Variants in HMOX2 observed in about 807,000 individuals in gnomAD.
The protein encoded by HMOX2 is heme oxygenase (decycling) 2.
HMOX2 carries 30 observed loss-of-function variants against 33.7 expected under a neutral mutation model. The ratio of observed to expected loss-of-function variants is 0.89; its 90% CI spans 0.67 to 1.21. The LOEUF is 1.21. Among genes scored for constraint, HMOX2 ranks in the 50% most tolerant of loss-of-function variants. The pLI is 0.00. For missense variants in HMOX2, 403 were observed against 399.1 expected, an observed-to-expected ratio of 1.01 and a Z score of -0.08; for synonymous variants, 155 against 155.0, an observed-to-expected ratio of 1.00 and a Z score of 0.00.
At chr16:4,509,160 C>T (rs1333655574) in intron 4 of HMOX2, among the ~76,000 whole-genome samples, 1 of 152,156 alleles carries the variant, frequency 6.6e-6, no homozygotes, top group African/African-American at 2.4e-5. Context: ...GAAGACCAGC[C>T]TGGGCAACCA....
At position 4,508,047 on chromosome 16, in the gene HMOX2, C is replaced by T. The variant is rs1470326350; in HGVS notation, c.539C>T (p.Thr180Ile). The T allele has an allele frequency of 3.1e-6, 5 of 1,613,960 alleles. No homozygotes were observed. In the African/African-American group the frequency reaches 5.3e-5, roughly 17 times the overall value. ...VAQRALKLPS[T>I]GEGTQFYLFE... ...CAGCGAGCACTGAAACTCCCCAGCA[C>T]AGGGGAAGGGACCCAGTTCTACCTG... is the stretch of plus-strand genomic sequence containing the variant. The change falls in exon 4 of 6, where the codon ACA becomes ATA. Residue 180 changes from threonine (T) to isoleucine (I), a missense_variant. By Grantham distance (89) the Thr-to-Ile change is moderately conservative. Transcript: ENST00000570646.
intron 5 of HMOX2, 24 bp from the exon 6 acceptor site, chr16:4,509,605 T>C (rs371974775): frequency 6.2e-7 from 1 of 1,613,432 alleles, no homozygotes; most frequent in Non-Finnish European, 8.5e-7. Context: ...TGATGCCATG[T>C]CTCCTATTGG....
At position 4,506,986 on chromosome 16, in the gene HMOX2, G is replaced by A; in HGVS notation, c.178G>A (p.Gly60Ser). The change falls in exon 3 of 6, where the codon GGC becomes AGC. Residue 60 changes from glycine (G) to serine (S), a missense_variant. By Grantham distance (56) the Gly-to-Ser change is moderately conservative. Coordinates refer to ENST00000570646, the MANE Select transcript of HMOX2 (RefSeq NM_002134.4). ...NTQFVKDFLK[G>S]NIKKELFKLA... is the part of the protein sequence containing the mutation. ...CCAGTTTGTCAAGGACTTCTTGAAAGGCAACATTAAGAAGGAGCTGTTTAA... is the reference window on the plus strand; with the variant it reads ...CCAGTTTGTCAAGGACTTCTTGAAAAGCAACATTAAGAAGGAGCTGTTTAA... 1.9e-6 allele frequency: 3 copies of A among 1,612,076 alleles called. No homozygotes were observed. The highest frequency in any genetic ancestry group is 2.2e-5 in the East Asian group (1 of 44,866).
At chr16:4,490,078 C>A (rs901570103) in intron 1 of HMOX2, among the ~76,000 whole-genome samples, 1 of 152,142 alleles carries the variant, frequency 6.6e-6, no homozygotes, top group African/African-American at 2.4e-5. Context: ...GACCTGTAAT[C>A]TGGAAAACAA....
upstream of HMOX2, chr16:4,474,784 G>C (rs186060959): frequency 6.6e-6 from 1 of 152,482 alleles, no homozygotes; most frequent in East Asian, 1.9e-4. Flanking sequence ...CGGATGCTAC[G>C]GGTGATGACT....
chr16:4,483,507 G>C (rs1273433186), intron 1 of HMOX2: 2 of 152,120 alleles, frequency 1.3e-5, no homozygotes, highest in African/African-American at 4.8e-5. Context: ...TGAGGTTAAA[G>C]ACCAATATCA....
At chr16:4,478,893 G>A (rs751531169) in intron 1 of HMOX2, among the ~76,000 whole-genome samples, 4 of 152,098 alleles carry the variant, frequency 2.6e-5, no homozygotes, top group Admixed American at 1.3e-4. Flanking sequence ...GGTGGCTCAC[G>A]CCTGTAATCC....
chr16:4,506,794 G>C (rs2058703782), intron 2 of HMOX2, 101 bp from the exon 3 acceptor site: 2 of 799,470 alleles, frequency 2.5e-6, no homozygotes, highest in Non-Finnish European at 4.4e-6. Flanking sequence ...CAGTACAACA[G>C]GTGGTCACCT....
At chr16:4,490,962 G>T (rs1001111545) in intron 1 of HMOX2, among the ~76,000 whole-genome samples, 8 of 152,140 alleles carry the variant, frequency 5.3e-5, no homozygotes, top group Admixed American at 5.2e-4. Context: ...GTGCGCTATA[G>T]GACATTGAGT....
rs146410700 is a variant in HMOX2, at chr16:4,509,658, C to T, written c.853C>T (p.Arg285Ter). 574 of 1,613,872 alleles carry T rather than the reference C, an allele frequency of 3.6e-4. 5 individuals are homozygous for T. The highest frequency in any genetic ancestry group is 1.6e-4 in the Middle Eastern group (1 of 6,078). ...GALEGSSCPF[R>*]TAMAVLRKPS... ...CCTGGAGGGCAGCAGCTGTCCCTTCCGAACAGCTATGGCTGTGCTGAGGAA... is the reference window on the plus strand; with the variant it reads ...CCTGGAGGGCAGCAGCTGTCCCTTCTGAACAGCTATGGCTGTGCTGAGGAA... The change falls in exon 6 of 6, where the codon CGA becomes TGA. Residue 285 changes from arginine (R) to a stop codon, truncating the protein, a stop_gained. Transcript: ENST00000570646. LOFTEE classifies it high-confidence loss of function.
At position 4,507,706 on chromosome 16, in the gene HMOX2, T is replaced by A; in HGVS notation, c.205-7T>A. The A allele has an allele frequency of 6.2e-7, 1 of 1,611,972 alleles. No individual in the cohort carries two copies. Among genetic ancestry groups the A allele is most frequent in the South Asian group, 1.1e-5 (1 of 90,926 alleles). On this transcript the variant is annotated splice_polypyrimidine_tract_variant and splice_region_variant and intron_variant, in intron 3 of 5. Transcript: ENST00000570646. Reference sequence around the variant, plus strand: ...GCATAGCTGGCCTCCTCCTGTCACCTCCACAGCTGGCCACCACGGCACTTT... The same window carrying A: ...GCATAGCTGGCCTCCTCCTGTCACCACCACAGCTGGCCACCACGGCACTTT...
intron 1 of HMOX2, among the ~76,000 whole-genome samples, chr16:4,504,535 T>C (rs1483909322): frequency 5.3e-5 from 8 of 150,466 alleles, no homozygotes; most frequent in Non-Finnish European, 1.5e-5. Context: ...TAATTTTGCA[T>C]TTTTAGTAGA....
chr16:4,489,721 G>A (rs1039120005), intron 1 of HMOX2, among the ~76,000 whole-genome samples: 1 of 152,116 alleles, frequency 6.6e-6, no homozygotes. Context: ...GGCCTCCCAA[G>A]GCGCTGGGAT....
In HMOX2 at chr16:4,509,601, C is replaced by T. The variant is rs112101885; in HGVS notation, c.824-28C>T. On this transcript the variant is annotated intron_variant, in intron 5 of 5. Transcript: ENST00000570646. ...GTGTAGCAGGAGACTCCACTGATGC[C>T]ATGTCTCCTATTGGTGCTGCCACAC... 2.4e-5 allele frequency: 38 copies of T among 1,613,756 alleles called. 1 individual carries two copies. The African/African-American group carries it at 4.8e-4, about 20-fold the overall frequency.
intron 1 of HMOX2, among the ~76,000 whole-genome samples, chr16:4,500,040 C>T (rs1463260555): frequency 6.6e-6 from 1 of 152,150 alleles, no homozygotes; most frequent in Non-Finnish European, 1.5e-5. Flanking sequence ...TGGATGCTCC[C>T]CAGGGTGCTG....
chr16:4,483,499 AG>A (rs2058084934), intron 1 of HMOX2: 1 of 152,192 alleles, frequency 6.6e-6, no homozygotes, highest in South Asian at 2.1e-4. Context: ...TCAGGAACTG[AG>A]GTTAAAGACC....
rs2058803098 is a variant in HMOX2 at position 4,510,206 on chromosome 16, A to C, written c.*450A>C. 1 of 178,682 alleles carries C rather than the reference A, an allele frequency of 5.6e-6. No homozygotes were observed. Among genetic ancestry groups the C allele is most frequent in the Non-Finnish European group, 1.2e-5 (1 of 83,788 alleles). The allele number at this position is 178,682 out of a possible 1,614,324, so 11.1% of individuals were successfully genotyped here. ...TGGGAGTGAGGGTGGGTGTGGGTGGAAGCCTCAGAGGCCTTGGGAGCTCAT... is the reference window on the plus strand; with the variant it reads ...TGGGAGTGAGGGTGGGTGTGGGTGGCAGCCTCAGAGGCCTTGGGAGCTCAT... On this transcript the variant is annotated 3_prime_UTR_variant, in exon 6 of 6. Coordinates refer to ENST00000570646, the MANE Select transcript of HMOX2 (RefSeq NM_002134.4).
chr16:4,489,136 A>G (rs914263839), intron 1 of HMOX2, among the ~76,000 whole-genome samples: 10 of 152,334 alleles, frequency 6.6e-5, no homozygotes, highest in Non-Finnish European at 1.5e-4. Context: ...TCTAAAAGGT[A>G]CGCTCTTAGT....
Position 4,509,773 on chromosome 16 carries a change from C to T in HMOX2, c.*17C>T, listed in dbSNP as rs997786797. 6 of 1,608,006 alleles carry T rather than the reference C, an allele frequency of 3.7e-6. No homozygotes were observed. The highest frequency in any genetic ancestry group is 4.2e-6 in the Non-Finnish European group (5 of 1,177,282). On this transcript the variant is annotated 3_prime_UTR_variant, in exon 6 of 6. Coordinates refer to ENST00000570646, the MANE Select transcript of HMOX2 (RefSeq NM_002134.4). ...TACATGTGAAGCACCCATCATGCCA[C>T]ACCGGTACCCTCCTCCCGACTGACC... is the stretch of plus-strand genomic sequence containing the variant.
Sources: allele counts gnomAD v4.1 joint callset (sites outside exome capture counted in the v4.1 genomes callset), GRCh38; gene constraint gnomAD v4.1.1; transcripts MANE v1.5; gene names NCBI Gene and HGNC (gene_info 2026-07-23, HGNC 2026-07-21).